Variants in ARAP2 observed in about 807,000 individuals in gnomAD.
ARAP2 encodes ArfGAP with RhoGAP domain, ankyrin repeat and PH domain 2.
ARAP2 carries 148 observed loss-of-function variants against 194.5 expected under a neutral mutation model. That is an observed-to-expected ratio of 0.76 (90% CI 0.67 to 0.87). The LOEUF (loss-of-function observed/expected upper bound fraction) is 0.87, where lower values mean the gene tolerates loss of function less well. Ranked by LOEUF, ARAP2 falls within the 40% of genes least tolerant of loss-of-function variation. The pLI is 0.00. For synonymous variants in ARAP2, 695 were observed against 683.5 expected (o/e 1.02, Z -0.26); for missense variants, 2,128 against 1,989.7 (o/e 1.07, Z -1.32).
At chr4:36,143,003 A>G (rs1456304893) in intron 19 of ARAP2, among the ~76,000 whole-genome samples, 1 of 151,630 alleles carries the variant, frequency 6.6e-6, no homozygotes, top group Non-Finnish European at 1.5e-5. Flanking sequence ...TCTCTCCCAA[A>G]CCTGCTCCTT....
chr4:36,205,592 T>C (rs940623809), intron 6 of ARAP2, among the ~76,000 whole-genome samples: 1 of 103,686 alleles, frequency 9.6e-6, no homozygotes, highest in Non-Finnish European at 1.9e-5. Context: ...TGCAATAAAA[T>C]GGTGTCCTGA....
intron 5 of ARAP2, among the ~76,000 whole-genome samples, chr4:36,022,654 C>T (rs1230780742): frequency 6.6e-6 from 1 of 152,106 alleles, no homozygotes; most frequent in Non-Finnish European, 1.5e-5. Context: ...AAGCATTATC[C>T]TCAGAGAAGA....
intron 9 of ARAP2, among the ~76,000 whole-genome samples, chr4:36,170,288 A>T (rs1736312100): frequency 6.6e-6 from 1 of 152,238 alleles, no homozygotes; most frequent in African/African-American, 2.4e-5. Context: ...AACTATCAAG[A>T]CATAAATACT....
intron 5 of ARAP2, among the ~76,000 whole-genome samples, chr4:36,037,343 C>A (rs1267733749): frequency 1.3e-5 from 2 of 152,134 alleles, no homozygotes; most frequent in African/African-American, 4.8e-5. Flanking sequence ...TGCCTTGTGA[C>A]TGGACTTTGG....
chr4:36,167,093 A>C, intron 9 of ARAP2, 46 bp from the exon 10 acceptor site: 1 of 910,136 alleles, frequency 1.1e-6, no homozygotes, highest in Non-Finnish European at 1.6e-6. Context: ...ACAAAAAAAA[A>C]GATTTTGAAA....
chr4:36,044,535 A>C (rs1384169824), intron 5 of ARAP2, among the ~76,000 whole-genome samples: 1 of 152,154 alleles, frequency 6.6e-6, no homozygotes, highest in Non-Finnish European at 1.5e-5. Context: ...ACCTCACCCC[A>C]TATATAAGAA....
intron 2 of ARAP2, 36 bp from the exon 3 acceptor site, chr4:36,214,516 AATATTTATG>A: frequency 7.2e-7 from 1 of 1,389,406 alleles, no homozygotes; most frequent in Non-Finnish European, 9.9e-7. Context: ...TATGAGTGAA[AATATTTATG>A]ATATTTATGA....
At chr4:36,209,555 A>G in intron 6 of ARAP2, 3 of 324,760 alleles carry the variant, frequency 9.2e-6, no homozygotes, top group South Asian at 7.6e-5. Flanking sequence ...TTTTCCAATT[A>G]AAATTATTTT....
At chr4:36,009,951 T>G (rs1714148354) in intron 9 of ARAP2, among the ~76,000 whole-genome samples, 1 of 151,914 alleles carries the variant, frequency 6.6e-6, no homozygotes, top group African/African-American at 2.4e-5. Context: ...ATACTAAATT[T>G]CTCTTTTTCC....
At position 36,100,978 on chromosome 4, in the gene ARAP2, C is replaced by G. The variant is rs79436525; in HGVS notation, c.4285+6587G>C. On this transcript the variant is annotated intron_variant, in intron 27 of 32. Coordinates refer to ENST00000303965, the MANE Select transcript of ARAP2 (RefSeq NM_015230.4). ...TGGATGCCGCATCTGTCAATTCAACCAATAGCACATCAAAAAATGTTTGAA... is the reference window on the plus strand; with the variant it reads ...TGGATGCCGCATCTGTCAATTCAACGAATAGCACATCAAAAAATGTTTGAA... Among the ~76,000 whole-genome samples the G allele has an allele frequency of 2.1e-4, 32 of 151,794 alleles. No individual in the cohort carries two copies. The East Asian group carries it at 6.0e-3, about 29-fold the overall frequency.
rs747114682 is a variant in ARAP2 at position 36,068,289 on chromosome 4, A to G, written c.4744-11T>C. 6 of 1,508,746 alleles carry G rather than the reference A, an allele frequency of 4.0e-6. No homozygotes were observed. Among genetic ancestry groups the G allele is most frequent in the Non-Finnish European group, 5.3e-6 (6 of 1,130,824 alleles). 93.5% of individuals were successfully genotyped at this position (1,508,746 alleles called of 1,614,324 possible). A position where few individuals can be genotyped will look rare whatever the true frequency, so the allele number is the denominator to read the frequency against. ...TTCTGCTCTTGCACTCTAAAAATAAAATTAAATGTCTCACAGGGAAGCAAG... is the reference window on the plus strand; with the variant it reads ...TTCTGCTCTTGCACTCTAAAAATAAGATTAAATGTCTCACAGGGAAGCAAG... On this transcript the variant is annotated splice_polypyrimidine_tract_variant and intron_variant, in intron 32 of 32. Coordinates refer to ENST00000303965, the MANE Select transcript of ARAP2 (RefSeq NM_015230.4).
At chr4:36,215,646 C>CA (rs780824634) in intron 2 of ARAP2, among the ~76,000 whole-genome samples, 3 of 151,530 alleles carry the variant, frequency 2.0e-5, no homozygotes, top group Non-Finnish European at 4.4e-5. Flanking sequence ...TTGCCCAAAC[C>CA]AAAAAAAGGA....
chr4:36,115,928 T>C (rs61798143), intron 25 of ARAP2, among the ~76,000 whole-genome samples: 45,822 of 151,970 alleles, frequency 0.3, 8,175 homozygotes, highest in East Asian at 0.47. Context: ...ATAACTTCTG[T>C]TGTGACTTTA....
At chr4:36,008,781 A>G (rs1713832583) in intron 9 of ARAP2, among the ~76,000 whole-genome samples, 1 of 152,058 alleles carries the variant, frequency 6.6e-6, no homozygotes, top group Non-Finnish European at 1.5e-5. Context: ...GAGAGAAAAT[A>G]TTTGCAAACT....
At chr4:36,214,300 C>T (rs376195277) in intron 3 of ARAP2, 122 bp downstream of exon 3, 2 of 613,420 alleles carry the variant, frequency 3.3e-6, no homozygotes, top group Non-Finnish European at 5.3e-6. Flanking sequence ...TGAACACTGG[C>T]AGACAGTTAT....
At chr4:36,013,417 T>G (rs1199339858) in intron 8 of ARAP2, among the ~76,000 whole-genome samples, 1 of 152,156 alleles carries the variant, frequency 6.6e-6, no homozygotes, top group African/African-American at 2.4e-5. Context: ...AGTTGAGTGA[T>G]GATGTGGTTT....
chr4:36,065,833 G>C (rs1412474116), downstream of ARAP2: 5 of 152,046 alleles, frequency 3.3e-5, no homozygotes, highest in African/African-American at 1.2e-4. Flanking sequence ...TCAGCAAGTG[G>C]GTCTTTAAAT....
At chr4:36,182,999 G>A (rs904057787) in intron 8 of ARAP2, among the ~76,000 whole-genome samples, 5 of 152,144 alleles carry the variant, frequency 3.3e-5, no homozygotes, top group African/African-American at 1.2e-4. Flanking sequence ...CCAAGAGATC[G>A]CCTTTAAAAC....
At chr4:36,119,123 T>C (rs562251595) in intron 24 of ARAP2, among the ~76,000 whole-genome samples, 6 of 151,490 alleles carry the variant, frequency 4.0e-5, no homozygotes, top group Non-Finnish European at 8.9e-5. Flanking sequence ...AAAAATCCAG[T>C]ATAATGTGAC....
Sources: gnomAD v4.1 joint callset for allele counts (sites outside exome capture counted in the v4.1 genomes callset) on GRCh38, gnomAD v4.1.1 for gene constraint, MANE v1.5 for transcripts, NCBI Gene and HGNC (gene_info 2026-07-23, HGNC 2026-07-21) for gene names.